The following ZFAND5 variants were observed in gnomAD, a reference collection of about 807,000 sequenced individuals.
The protein encoded by ZFAND5 is zinc finger AN1-type containing 5.
A neutral mutation model predicts 23.6 loss-of-function variants in ZFAND5; 4 were observed. The ratio of observed to expected loss-of-function variants is 0.17; its 90% confidence interval spans 0.08 to 0.39. The LOEUF (loss-of-function observed/expected upper bound fraction) is 0.39. ZFAND5 is among the 10% of genes least tolerant of loss of function. The pLI is 1.00. For synonymous variants in ZFAND5, 68 were observed against 80.6 expected (o/e 0.84, Z 0.84); for missense variants, 161 against 253.7 (o/e 0.63, Z 2.48).
chr9:72,360,172 C>T lies in ZFAND5; in HGVS notation c.201G>A (p.Gln67=). Residue 67 remains glutamine, a synonymous_variant, in exon 4 of 7, where the codon CAG becomes CAA. Transcript: ENST00000376962. ...NSPTSDSASV[Q]RADTSLNNCE... ...AGTTGTTTAAGCTAGTGTCTGCTCT[C>T]TGTACAGATGCAGAATCTGAGGTAG... is the stretch of plus-strand genomic sequence containing the variant. 1 of 1,613,056 alleles carries T rather than the reference C, an allele frequency of 6.2e-7. No individual in the cohort carries two copies. The highest frequency in any genetic ancestry group is 8.5e-7 in the Non-Finnish European group (1 of 1,179,382).
chr9:72,357,138 C>T, intron 5 of ZFAND5, 82 bp from the exon 6 acceptor site: 1 of 1,508,974 alleles, frequency 6.6e-7, no homozygotes. Flanking sequence ...TTAAGAGAAA[C>T]AGGAAGATGC....
rs1841817208 is a variant in ZFAND5 at position 72,352,993 on chromosome 9, G to A, written c.*2960C>T. ...CTCACAAACTAATTTTCCCCACGTTGTGGGAAGCCTACCTAGGATCAAACC... is the reference window on the plus strand; with the variant it reads ...CTCACAAACTAATTTTCCCCACGTTATGGGAAGCCTACCTAGGATCAAACC... On this transcript the variant is annotated 3_prime_UTR_variant, in exon 7 of 7. Transcript: ENST00000376962. 6.6e-6 allele frequency: 1 copy of A among 152,220 alleles called. No homozygotes were observed. Among genetic ancestry groups the A allele is most frequent in the Admixed American group, 6.5e-5 (1 of 15,280 alleles). The allele number at this position is 152,220 out of a possible 1,614,324, so 9.4% of individuals were successfully genotyped here.
rs1841879455 is a variant in ZFAND5, at chr9:72,354,540, AAT to A, written c.*1411_*1412del. 1 of 152,654 alleles carries A rather than the reference AAT, an allele frequency of 6.6e-6. No homozygotes were observed. Among genetic ancestry groups the A allele is most frequent in the African/African-American group, 2.4e-5 (1 of 41,468 alleles). 9.5% of individuals were successfully genotyped at this position (152,654 alleles called of 1,614,324 possible). ...ATAGCATGATTATGTGCAATACATA[AAT>A]ATGAACTATCTGTACACATCTGCAG... On this transcript the variant is annotated 3_prime_UTR_variant, in exon 7 of 7. Coordinates refer to ENST00000376962, the MANE Select transcript of ZFAND5 (RefSeq NM_001102420.3).
In ZFAND5 at chr9:72,354,102, G is replaced by A. The variant is rs1038450768; in HGVS notation, c.*1851C>T. 2 of 152,244 alleles carry A rather than the reference G, an allele frequency of 1.3e-5. No individual in the cohort carries two copies. The highest frequency in any genetic ancestry group is 4.8e-5 in the African/African-American group (2 of 41,540). The allele number at this position is 152,244 out of a possible 1,614,324, so 9.4% of individuals were successfully genotyped here. ...CTGTATTAGAGCCAAACCCAAAACAGAAATAAAACAGAACTCTTTTTGTAA... is the reference window on the plus strand; with the variant it reads ...CTGTATTAGAGCCAAACCCAAAACAAAAATAAAACAGAACTCTTTTTGTAA... On this transcript the variant is annotated 3_prime_UTR_variant, in exon 7 of 7. Coordinates refer to ENST00000376962, the MANE Select transcript of ZFAND5 (RefSeq NM_001102420.3).
In ZFAND5 at chr9:72,352,067, G is replaced by C. The variant is rs1841786740; in HGVS notation, c.*3886C>G. 1.3e-5 allele frequency: 2 copies of C among 152,148 alleles called. No homozygotes were observed. The allele number at this position is 152,148 out of a possible 1,614,324, so 9.4% of individuals were successfully genotyped here. A position where few individuals can be genotyped will look rare whatever the true frequency, so the allele number is the denominator to read the frequency against. ...CCCAGCATTTTGGGAGGCCGGGGTGGGCGGATCATGAGGTCAGGAGATCGA... is the reference window on the plus strand; with the variant it reads ...CCCAGCATTTTGGGAGGCCGGGGTGCGCGGATCATGAGGTCAGGAGATCGA... On this transcript the variant is annotated 3_prime_UTR_variant, in exon 7 of 7. Transcript: ENST00000376962.
At chr9:72,357,603 T>C (rs1393199940) in intron 5 of ZFAND5, among the ~76,000 whole-genome samples, 1 of 152,178 alleles carries the variant, frequency 6.6e-6, no homozygotes, top group Non-Finnish European at 1.5e-5. Flanking sequence ...AACAATCATT[T>C]TACCATTTTC....
intron 5 of ZFAND5, 75 bp downstream of exon 5, chr9:72,359,343 G>A: frequency 5.5e-6 from 8 of 1,454,492 alleles, no homozygotes; most frequent in Non-Finnish European, 7.5e-6. Context: ...TCAATGGGAA[G>A]GAAAGAATCC....
At position 72,355,794 on chromosome 9, in the gene ZFAND5, A is replaced by C; in HGVS notation, c.*159T>G. On this transcript the variant is annotated 3_prime_UTR_variant, in exon 7 of 7. Coordinates refer to ENST00000376962, the MANE Select transcript of ZFAND5 (RefSeq NM_001102420.3). ...GTATCTATCCAATTCTGCCTGTAACAAACACCCAAACATCCTAAAATATCA... is the reference window on the plus strand; with the variant it reads ...GTATCTATCCAATTCTGCCTGTAACCAACACCCAAACATCCTAAAATATCA... 1 of 701,270 alleles carries C rather than the reference A, an allele frequency of 1.4e-6. No homozygotes were observed. Among genetic ancestry groups the C allele is most frequent in the South Asian group, 2.4e-5 (1 of 41,168 alleles). 43.4% of individuals were successfully genotyped at this position (701,270 alleles called of 1,614,324 possible). A position where few individuals can be genotyped will look rare whatever the true frequency, so the allele number is the denominator to read the frequency against.
intron 5 of ZFAND5, among the ~76,000 whole-genome samples, chr9:72,357,371 G>A (rs1841973232): frequency 6.6e-6 from 1 of 152,126 alleles, no homozygotes; most frequent in Non-Finnish European, 1.5e-5. Context: ...AAAGAGCTGG[G>A]AGATGTTAAT....
At chr9:72,357,879 A>C (rs1189825515) in intron 5 of ZFAND5, among the ~76,000 whole-genome samples, 2 of 152,138 alleles carry the variant, frequency 1.3e-5, no homozygotes, top group Admixed American at 6.5e-5. Flanking sequence ...TCTCACAATG[A>C]ACAAAAAATA....
At position 72,355,660 on chromosome 9, in the gene ZFAND5, G is replaced by A. The variant is rs1841922701; in HGVS notation, c.*293C>T. On this transcript the variant is annotated 3_prime_UTR_variant, in exon 7 of 7. Transcript: ENST00000376962. ...AACATGCAGAGATTTCATTTATTTTGTTTGGCACATGGGAACTACATTTTG... is the reference window on the plus strand; with the variant it reads ...AACATGCAGAGATTTCATTTATTTTATTTGGCACATGGGAACTACATTTTG... 4.7e-6 allele frequency: 1 copy of A among 211,898 alleles called. No individual in the cohort carries two copies. The highest frequency in any genetic ancestry group is 1.3e-4 in the South Asian group (1 of 7,500). The allele number at this position is 211,898 out of a possible 1,614,324, so 13.1% of individuals were successfully genotyped here.
intron 3 of ZFAND5, 21 bp from the exon 4 acceptor site, chr9:72,360,242 T>A: frequency 6.3e-7 from 1 of 1,595,380 alleles, no homozygotes; most frequent in Non-Finnish European, 8.6e-7. Context: ...AAAGGATTTG[T>A]AAGGAACCAA....
chr9:72,354,780 C>T lies in ZFAND5; in HGVS notation c.*1173G>A, dbSNP rs762223004. 6.6e-6 allele frequency: 1 copy of T among 152,610 alleles called. No individual in the cohort carries two copies. The highest frequency in any genetic ancestry group is 2.1e-4 in the South Asian group (1 of 4,836). The allele number at this position is 152,610 out of a possible 1,614,324, so 9.5% of individuals were successfully genotyped here. ...AGTTTCATACATCACAAAAAACCTT[C>T]CATTATAACACAGAAGTGATTATTA... On this transcript the variant is annotated 3_prime_UTR_variant, in exon 7 of 7. Coordinates refer to ENST00000376962, the MANE Select transcript of ZFAND5 (RefSeq NM_001102420.3).
Position 72,352,131 on chromosome 9 carries a change from A to G in ZFAND5, c.*3822T>C, listed in dbSNP as rs967198327. 1.3e-5 allele frequency: 2 copies of G among 152,104 alleles called. No homozygotes were observed. Among genetic ancestry groups the G allele is most frequent in the African/African-American group, 2.4e-5 (1 of 41,400 alleles). 9.4% of individuals were successfully genotyped at this position (152,104 alleles called of 1,614,324 possible). A position where few individuals can be genotyped will look rare whatever the true frequency, so the allele number is the denominator to read the frequency against. ...AACACGGTGAAACCCTCTCTCTACT[A>G]AAAATACAAAAAAACCCAAAAAACA... On this transcript the variant is annotated 3_prime_UTR_variant, in exon 7 of 7. Transcript: ENST00000376962.
At chr9:72,360,471 C>T in intron 3 of ZFAND5, 157 bp downstream of exon 3, 2 of 1,020,546 alleles carry the variant, frequency 2.0e-6, no homozygotes, top group Non-Finnish European at 2.9e-6. Flanking sequence ...TCATTCATTC[C>T]TGATCAGTCA....
chr9:72,360,088 ACT>A lies in ZFAND5; in HGVS notation c.263+20_263+21del, dbSNP rs762092333. On this transcript the variant is annotated intron_variant, in intron 4 of 6. Coordinates refer to ENST00000376962, the MANE Select transcript of ZFAND5 (RefSeq NM_001102420.3). ...ATTTCTTCTTTGTAATATCATAAAA[ACT>A]CTGAAACGTTCAATCTTACCTTGAT... is the stretch of plus-strand genomic sequence containing the variant. The A allele has an allele frequency of 5.0e-6, 8 of 1,588,866 alleles. No individual in the cohort carries two copies. The South Asian group carries it at 9.0e-5, about 18-fold the overall frequency.
At chr9:72,362,746 G>C (rs187527183) in intron 2 of ZFAND5, among the ~76,000 whole-genome samples, 1 of 152,260 alleles carries the variant, frequency 6.6e-6, no homozygotes, top group Admixed American at 6.5e-5. Flanking sequence ...TAGAAAGCCA[G>C]CTTTTAAATG....
chr9:72,364,330 G>A (rs1842196987), intron 1 of ZFAND5: 3 of 1,044,208 alleles, frequency 2.9e-6, no homozygotes, highest in African/African-American at 1.8e-5. Context: ...GCTGCAACGG[G>A]CAGGGGGCGC....
In ZFAND5 at chr9:72,353,314, C is replaced by T. The variant is rs1238035106; in HGVS notation, c.*2639G>A. 1 of 152,108 alleles carries T rather than the reference C, an allele frequency of 6.6e-6. No homozygotes were observed. Among genetic ancestry groups the T allele is most frequent in the Non-Finnish European group, 1.5e-5 (1 of 68,038 alleles). The allele number at this position is 152,108 out of a possible 1,614,324, so 9.4% of individuals were successfully genotyped here. A position where few individuals can be genotyped will look rare whatever the true frequency, so the allele number is the denominator to read the frequency against. On this transcript the variant is annotated 3_prime_UTR_variant, in exon 7 of 7. Transcript: ENST00000376962. The stretch of plus-strand genomic sequence containing the variant: ...CCCTTTCTCCCCAGTCAATGGACAA[C>T]CCTGACAAATCTTTGTTCTGATCTG...
Sources: gnomAD v4.1 joint callset for allele counts (sites outside exome capture counted in the v4.1 genomes callset) on GRCh38, gnomAD v4.1.1 for gene constraint, MANE v1.5 for transcripts, NCBI Gene and HGNC (gene_info 2026-07-23, HGNC 2026-07-21) for gene names.